Variants in FRMPD4 observed in about 807,000 individuals in gnomAD.
FRMPD4 encodes FERM and PDZ domain-containing protein 4.
A neutral mutation model predicts 94.1 loss-of-function variants in FRMPD4; 22 were observed. The observed-to-expected ratio is 0.23, with a 90% confidence interval of 0.17 to 0.33. The LOEUF (loss-of-function observed/expected upper bound fraction) is 0.33, where lower values mean the gene tolerates loss of function less well. Ranked by LOEUF, FRMPD4 falls within the 10% of genes least tolerant of loss-of-function variation. The pLI, the probability that FRMPD4 is intolerant of heterozygous loss-of-function variation, is 1.00. For synonymous variants in FRMPD4, 631 were observed against 548.6 expected, an observed-to-expected ratio of 1.15 and a Z score of -2.10; for missense variants, 1,111 against 1,339.9, an observed-to-expected ratio of 0.83 and a Z score of 2.67.
At chrX:12,095,596 A>G (rs2055192397) in intron 3 of FRMPD4, among the ~76,000 whole-genome samples, 1 of 110,598 alleles carries the variant, frequency 9.0e-6, no homozygotes, top group Non-Finnish European at 1.9e-5. Flanking sequence ...TCACAGACAA[A>G]GTTTGCTGAC....
At chrX:12,677,815 G>A in intron 5 of FRMPD4, among the ~76,000 whole-genome samples, 1 of 111,762 alleles carries the variant, frequency 8.9e-6, no homozygotes, top group African/African-American at 3.3e-5. Context: ...GGGAATGGGG[G>A]TGAGAGTCTT....
intron 1 of FRMPD4, among the ~76,000 whole-genome samples, chrX:11,829,049 T>C (rs1225412061): frequency 8.9e-6 from 1 of 112,397 alleles, no homozygotes; most frequent in Non-Finnish European, 1.9e-5. Flanking sequence ...TCTGTCTTAC[T>C]GGGAGGAGGG....
intron 4 of FRMPD4, among the ~76,000 whole-genome samples, chrX:12,645,972 C>G (rs1338302653): frequency 1.8e-5 from 2 of 111,765 alleles, no homozygotes; most frequent in East Asian, 5.6e-4. Flanking sequence ...TCCACCAACC[C>G]TGTTCTTCAT....
chrX:11,994,563 G>T (rs904246805), intron 3 of FRMPD4, among the ~76,000 whole-genome samples: 1 of 111,011 alleles, frequency 9.0e-6, no homozygotes, highest in Non-Finnish European at 1.9e-5. Context: ...TTTGACTTAC[G>T]GGGGGAGCTG....
At chrX:12,679,814 G>C (rs1196507371) in intron 5 of FRMPD4, among the ~76,000 whole-genome samples, 1 of 111,404 alleles carries the variant, frequency 9.0e-6, no homozygotes, top group Non-Finnish European at 1.9e-5. Context: ...GCCTATAATG[G>C]TGCCTTAGTA....
intron 3 of FRMPD4, among the ~76,000 whole-genome samples, chrX:11,978,321 CAAAAAAAAAAAA>C (rs1172824155): frequency 4.3e-4 from 7 of 16,355 alleles, no homozygotes; most frequent in African/African-American, 9.0e-4. Context: ...AACTCCATCT[CAAAAAAAAAAAA>C]AAAAAAAAAA....
intron 1 of FRMPD4, among the ~76,000 whole-genome samples, chrX:11,833,099 C>A (rs766694655): frequency 9.4e-4 from 106 of 112,227 alleles, no homozygotes; most frequent in Non-Finnish European, 1.8e-3. Flanking sequence ...AGTATGTAGA[C>A]TTTTCAGATT....
chrX:12,397,435 T>C (rs1057203450), intron 1 of FRMPD4, among the ~76,000 whole-genome samples: 2 of 111,924 alleles, frequency 1.8e-5, no homozygotes. Flanking sequence ...GTCATGAGCA[T>C]GCTAAATTGA....
chrX:12,421,765 GA>G lies in FRMPD4; in HGVS notation c.42-76895del, dbSNP rs34571736. ...TGACAGACAGAGACCCTATCTCAAA[GA>G]AAAAAAAAAAAAAAAAAAAGCTGGG... On this transcript the variant is annotated intron_variant, in intron 1 of 16. Coordinates refer to ENST00000675598, the MANE Select transcript of FRMPD4 (RefSeq NM_001368397.1). 5.4e-3 allele frequency among the ~76,000 whole-genome samples: 379 copies of G among 69,585 alleles called. 4 individuals are homozygous for G. The highest frequency in any genetic ancestry group is 0.01 in the African/African-American group (200 of 19,763). The allele number at this position is 69,585 out of a possible 115,157, so 60.4% of individuals were successfully genotyped here.
At chrX:12,365,321 C>T (rs1398127778) in intron 1 of FRMPD4, among the ~76,000 whole-genome samples, 1 of 111,710 alleles carries the variant, frequency 9.0e-6, no homozygotes, top group Non-Finnish European at 1.9e-5. Context: ...CACCTCTCAG[C>T]CCAGGCCTTA....
At chrX:12,521,818 A>G (rs886659896) in intron 2 of FRMPD4, among the ~76,000 whole-genome samples, 1 of 111,135 alleles carries the variant, frequency 9.0e-6, no homozygotes, top group Non-Finnish European at 1.9e-5. Flanking sequence ...TAGGAGGTAG[A>G]GCTGAACAAT....
At chrX:11,842,256 TTAAAG>T (rs1715770271) in intron 1 of FRMPD4, among the ~76,000 whole-genome samples, 1 of 102,315 alleles carries the variant, frequency 9.8e-6, no homozygotes, top group Non-Finnish European at 1.9e-5. Flanking sequence ...CATATGAACT[TTAAAG>T]TAGTTTTTTC....
chrX:12,619,584 A>G (rs2059268582), intron 4 of FRMPD4, among the ~76,000 whole-genome samples: 2 of 111,837 alleles, frequency 1.8e-5, no homozygotes, highest in South Asian at 7.6e-4. Context: ...ACAGACCCAG[A>G]AACAACCACA....
At position 12,686,090 on chromosome X, in the gene FRMPD4, TAAACA is replaced by T; in HGVS notation, c.574-6_574-2del. The T allele has an allele frequency of 9.6e-7, 1 of 1,037,692 alleles. No homozygotes were observed. Among genetic ancestry groups the T allele is most frequent in the Admixed American group, 2.3e-5 (1 of 43,892 alleles). The allele number at this position is 1,037,692 out of a possible 1,213,427, so 85.5% of individuals were successfully genotyped here. A position where few individuals can be genotyped will look rare whatever the true frequency, so the allele number is the denominator to read the frequency against. On this transcript the variant is annotated splice_acceptor_variant and splice_polypyrimidine_tract_variant and intron_variant, in intron 6 of 16. Coordinates refer to ENST00000675598, the MANE Select transcript of FRMPD4 (RefSeq NM_001368397.1). LOFTEE classifies it high-confidence loss of function. ...ATTTATGCCCTGCCCTTTTTTTTGT[TAAACA>T]GGAAACTGTTAAGGACAACTCACTT...
At chrX:11,895,763 G>A (rs766392739) in intron 3 of FRMPD4, among the ~76,000 whole-genome samples, 2 of 111,858 alleles carry the variant, frequency 1.8e-5, no homozygotes, top group Non-Finnish European at 3.8e-5. Context: ...TGTGTGCCAA[G>A]TTGTTCTAGA....
rs766997219 is a variant in FRMPD4, at chrX:12,702,020, G to A, written c.1070+10G>A. The stretch of plus-strand genomic sequence containing the variant: ...CCCTCAAATACATCGAGTAAGTGTT[G>A]ACTCTCAGCGCCATTTCGGAGACAG... On this transcript the variant is annotated intron_variant, in intron 10 of 16. Coordinates refer to ENST00000675598, the MANE Select transcript of FRMPD4 (RefSeq NM_001368397.1). The A allele has an allele frequency of 1.7e-6, 2 of 1,204,583 alleles. No individual in the cohort carries two copies. The highest frequency in any genetic ancestry group is 2.2e-6 in the Non-Finnish European group (2 of 889,814).
chrX:12,630,575 C>A (rs1477933586), intron 4 of FRMPD4, among the ~76,000 whole-genome samples: 1 of 111,802 alleles, frequency 8.9e-6, no homozygotes, highest in Non-Finnish European at 1.9e-5. Flanking sequence ...CACCTAAAAT[C>A]CTTTTCAGAA....
intron 1 of FRMPD4, among the ~76,000 whole-genome samples, chrX:12,350,854 C>CAT (rs2147974787): frequency 8.9e-6 from 1 of 112,247 alleles, no homozygotes; most frequent in Admixed American, 9.4e-5. Flanking sequence ...AATAAGAAAA[C>CAT]ATTTGGAGAA....
chrX:12,678,486 A>G (rs2059925103), intron 5 of FRMPD4, among the ~76,000 whole-genome samples: 1 of 111,844 alleles, frequency 8.9e-6, no homozygotes, highest in Non-Finnish European at 1.9e-5. Flanking sequence ...ACAGTTTCCA[A>G]GTCTAGAATT....
Sources: allele counts gnomAD v4.1 joint callset (sites outside exome capture counted in the v4.1 genomes callset), GRCh38; gene constraint gnomAD v4.1.1; transcripts MANE v1.5; gene names NCBI Gene and HGNC (gene_info 2026-07-23, HGNC 2026-07-21).